RABGAP1L: variants seen among roughly 807,000 people sequenced by gnomAD.
The protein encoded by RABGAP1L is rab GTPase-activating protein 1-like.
In RABGAP1L, 63 loss-of-function variants were observed where a neutral mutation model predicts 137.7. The observed-to-expected ratio is 0.46, with a 90% CI of 0.37 to 0.56. RABGAP1L has a LOEUF of 0.56. RABGAP1L is among the 20% of genes least tolerant of loss of function. RABGAP1L has a pLI of 0.00. For synonymous variants in RABGAP1L, 431 were observed against 433.7 expected, an observed-to-expected ratio of 0.99 and a Z score of 0.08; for missense variants, 1,095 against 1,244.0, an observed-to-expected ratio of 0.88 and a Z score of 1.80.
intron 13 of RABGAP1L, among the ~76,000 whole-genome samples, chr1:174,622,336 C>G (rs1415771487): frequency 1.3e-5 from 2 of 152,188 alleles, no homozygotes; most frequent in Non-Finnish European, 2.9e-5. Flanking sequence ...CCATTTGACC[C>G]AGCCATCCCA....
chr1:174,536,863 A>G (rs1664933945), intron 13 of RABGAP1L, among the ~76,000 whole-genome samples: 1 of 152,188 alleles, frequency 6.6e-6, no homozygotes, highest in Non-Finnish European at 1.5e-5. Context: ...TCCTTTTAAT[A>G]GAGAAAAGGA....
chr1:174,596,782 T>C (rs921545562), intron 13 of RABGAP1L, among the ~76,000 whole-genome samples: 1 of 152,182 alleles, frequency 6.6e-6, no homozygotes, highest in Non-Finnish European at 1.5e-5. Flanking sequence ...GTGGGCATCT[T>C]TGTCTTGTTC....
intron 13 of RABGAP1L, among the ~76,000 whole-genome samples, chr1:174,635,647 A>C (rs1039106984): frequency 7.2e-5 from 11 of 151,904 alleles, no homozygotes; most frequent in African/African-American, 2.4e-4. Context: ...TTAAGGCTCT[A>C]TTTTAATTCA....
chr1:174,323,989 A>G (rs186057299), intron 11 of RABGAP1L, among the ~76,000 whole-genome samples: 91 of 152,292 alleles, frequency 6.0e-4, no homozygotes, highest in Admixed American at 1.1e-3. Flanking sequence ...CAACATTACT[A>G]GTAAACTGAT....
Position 174,990,536 on chromosome 1 carries a change from A to G in RABGAP1L, c.*535A>G, listed in dbSNP as rs1374834771. 1 of 152,256 alleles carries G rather than the reference A, an allele frequency of 6.6e-6. No individual in the cohort carries two copies. The allele number at this position is 152,256 out of a possible 1,614,324, so 9.4% of individuals were successfully genotyped here. A position where few individuals can be genotyped will look rare whatever the true frequency, so the allele number is the denominator to read the frequency against. ...GGGAAGTGTTAATCCTGTCCAAAGG[A>G]AAGAACCAATCAGCGATCATTGGTT... On this transcript the variant is annotated 3_prime_UTR_variant, in exon 26 of 26. Transcript: ENST00000681986.
chr1:174,232,783 G>C (rs939556263), intron 4 of RABGAP1L, among the ~76,000 whole-genome samples: 3 of 150,688 alleles, frequency 2.0e-5, no homozygotes, highest in African/African-American at 7.3e-5. Flanking sequence ...AAATAAGTCA[G>C]ATAATGTTAT....
chr1:174,294,720 G>T (rs1487846148), intron 10 of RABGAP1L, among the ~76,000 whole-genome samples: 2 of 152,092 alleles, frequency 1.3e-5, no homozygotes, highest in East Asian at 1.9e-4. Flanking sequence ...GAGGATGGTG[G>T]AAAAGACAAA....
chr1:174,485,585 A>G (rs544537122), intron 13 of RABGAP1L, among the ~76,000 whole-genome samples: 3 of 152,208 alleles, frequency 2.0e-5, no homozygotes, highest in Non-Finnish European at 2.9e-5. Flanking sequence ...TTTCAGCTTC[A>G]ATGGAAATGA....
At chr1:174,613,845 G>T (rs369480229) in intron 13 of RABGAP1L, among the ~76,000 whole-genome samples, 4,523 of 152,006 alleles carry the variant, frequency 0.03, 89 homozygotes, top group Middle Eastern at 0.089. Context: ...CTTTGTTGGT[G>T]TAAAGTCTGT....
chr1:174,629,304 G>A, intron 13 of RABGAP1L, among the ~76,000 whole-genome samples: 1 of 152,152 alleles, frequency 6.6e-6, no homozygotes, highest in Non-Finnish European at 1.5e-5. Flanking sequence ...CACAAGTTCA[G>A]TACACAATTT....
chr1:174,888,206 C>A (rs1266805638), intron 19 of RABGAP1L, among the ~76,000 whole-genome samples: 2 of 152,078 alleles, frequency 1.3e-5, no homozygotes, highest in South Asian at 2.1e-4. Flanking sequence ...ATGAAAATAT[C>A]TGTGGTATCT....
At chr1:174,308,053 C>T (rs1678470025) in intron 11 of RABGAP1L, among the ~76,000 whole-genome samples, 1 of 151,864 alleles carries the variant, frequency 6.6e-6, no homozygotes, top group Admixed American at 6.6e-5. Context: ...TTCCATTTCC[C>T]TTATGATTAG....
At chr1:174,635,865 C>T (rs540335991) in intron 13 of RABGAP1L, among the ~76,000 whole-genome samples, 3 of 152,150 alleles carry the variant, frequency 2.0e-5, no homozygotes, top group African/African-American at 4.8e-5. Flanking sequence ...TCAACCACCC[C>T]CTTCTTGTAT....
chr1:174,425,929 G>T (rs1214456084), intron 13 of RABGAP1L, among the ~76,000 whole-genome samples: 1 of 151,946 alleles, frequency 6.6e-6, no homozygotes, highest in African/African-American at 2.4e-5. Flanking sequence ...TAGTTTATTA[G>T]CAAGTTCAAA....
chr1:174,445,800 G>A (rs1654688504), intron 13 of RABGAP1L, among the ~76,000 whole-genome samples: 1 of 152,140 alleles, frequency 6.6e-6, no homozygotes, highest in African/African-American at 2.4e-5. Flanking sequence ...GAGTATGGCA[G>A]TTTATTTTTT....
intron 18 of RABGAP1L, among the ~76,000 whole-genome samples, chr1:174,803,186 C>T (rs1285121240): frequency 6.6e-6 from 1 of 152,164 alleles, no homozygotes; most frequent in African/African-American, 2.4e-5. Context: ...GAGGGATCGT[C>T]AAACTACTAG....
intron 19 of RABGAP1L, among the ~76,000 whole-genome samples, chr1:174,814,911 C>T (rs1690231540): frequency 6.6e-6 from 1 of 152,134 alleles, no homozygotes; most frequent in African/African-American, 2.4e-5. Context: ...TGGTCTCGAA[C>T]TCCTGACCCC....
chr1:174,784,484 G>A (rs1687304202), intron 18 of RABGAP1L, among the ~76,000 whole-genome samples: 1 of 152,074 alleles, frequency 6.6e-6, no homozygotes, highest in African/African-American at 2.4e-5. Flanking sequence ...TGTGGTGGGA[G>A]GTGGGAGAGG....
At chr1:174,748,266 TAATC>T (rs1684045594) in intron 17 of RABGAP1L, among the ~76,000 whole-genome samples, 1 of 152,188 alleles carries the variant, frequency 6.6e-6, no homozygotes, top group African/African-American at 2.4e-5. Context: ...CACAGGGAAA[TAATC>T]AACCCCCGAA....
Sources: allele counts gnomAD v4.1 joint callset (sites outside exome capture counted in the v4.1 genomes callset), GRCh38; gene constraint gnomAD v4.1.1; transcripts MANE v1.5; gene names NCBI Gene and HGNC (gene_info 2026-07-23, HGNC 2026-07-21).